Variants in PLD5 observed in about 807,000 individuals in gnomAD.
PLD5 encodes phospholipase D family member 5.
In PLD5, 36 loss-of-function variants were observed where a neutral mutation model predicts 61.1. The ratio of observed to expected loss-of-function variants is 0.59; its 90% CI spans 0.45 to 0.78. The LOEUF (loss-of-function observed/expected upper bound fraction) is 0.78, where lower values mean the gene tolerates loss of function less well. Ranked by LOEUF, PLD5 falls within the 30% of genes least tolerant of loss-of-function variation. The pLI is 0.00. For synonymous variants in PLD5, 243 were observed against 242.8 expected (o/e 1.00, Z -0.01); for missense variants, 515 against 644.4 (o/e 0.80, Z 2.17).
At chr1:242,317,421 A>AT (rs1180253195) in intron 2 of PLD5, among the ~76,000 whole-genome samples, 5 of 152,158 alleles carry the variant, frequency 3.3e-5, no homozygotes, top group Admixed American at 2.6e-4. Context: ...CATTCACTTC[A>AT]TTTTTTTATA....
rs767557825 is a variant in PLD5, at chr1:242,164,404, A to T, written c.736-39739T>A. ...TTTTTCCAGTGAATTGACAAATATT[A>T]AAAAAAAAAAAATCTCCAGTATTGT... On this transcript the variant is annotated intron_variant, in intron 5 of 9. Coordinates refer to ENST00000536534, the MANE Select transcript of PLD5 (RefSeq NM_001372062.1). Among the ~76,000 whole-genome samples, 16 of 15,424 alleles carry T rather than the reference A, an allele frequency of 1.0e-3. No individual in the cohort carries two copies. The South Asian group carries it at 0.014, about 14-fold the overall frequency. The allele number at this position is 15,424 out of a possible 152,430, so 10.1% of individuals were successfully genotyped here.
intron 2 of PLD5, among the ~76,000 whole-genome samples, chr1:242,289,599 C>A (rs542558261): frequency 3.3e-5 from 5 of 152,242 alleles, no homozygotes; most frequent in Middle Eastern, 3.4e-3. Flanking sequence ...ATGATCCCCC[C>A]CTGCCTTGGC....
chr1:242,471,476 T>C (rs1243588926), intron 1 of PLD5, among the ~76,000 whole-genome samples: 3 of 152,074 alleles, frequency 2.0e-5, no homozygotes, highest in Non-Finnish European at 2.9e-5. Flanking sequence ...CTGAGCGAAA[T>C]GGGTTTAAAA....
At chr1:242,096,108 G>C (rs371979744) in intron 9 of PLD5, among the ~76,000 whole-genome samples, 2 of 151,736 alleles carry the variant, frequency 1.3e-5, no homozygotes, top group African/African-American at 4.8e-5. Context: ...ACAGGTGCCC[G>C]CCACCACACC....
chr1:242,325,639 C>T (rs1461716932), intron 2 of PLD5, among the ~76,000 whole-genome samples: 1 of 152,014 alleles, frequency 6.6e-6, no homozygotes, highest in Non-Finnish European at 1.5e-5. Flanking sequence ...CCCTTTCATG[C>T]TGGCAAGCAT....
intron 5 of PLD5, among the ~76,000 whole-genome samples, chr1:242,170,003 C>G (rs1473180050): frequency 6.6e-6 from 1 of 152,226 alleles, no homozygotes; most frequent in African/African-American, 2.4e-5. Flanking sequence ...GCTGTGGGCA[C>G]AGCTTCAACA....
At chr1:242,429,137 C>T (rs545203401) in intron 1 of PLD5, among the ~76,000 whole-genome samples, 132 of 152,240 alleles carry the variant, frequency 8.7e-4, no homozygotes, top group Non-Finnish European at 1.5e-3. Context: ...CGGAATGCCA[C>T]GAATAATATT....
intron 1 of PLD5, among the ~76,000 whole-genome samples, chr1:242,372,140 G>T (rs1436223081): frequency 6.6e-6 from 1 of 152,118 alleles, no homozygotes; most frequent in East Asian, 1.9e-4. Flanking sequence ...GTAGCCTGCA[G>T]CTCCTGTATA....
At chr1:242,423,697 G>A (rs757719999) in intron 1 of PLD5, among the ~76,000 whole-genome samples, 9 of 152,044 alleles carry the variant, frequency 5.9e-5, no homozygotes, top group Non-Finnish European at 1.0e-4. Flanking sequence ...GCTATCAATA[G>A]CACCCTGTAT....
At chr1:242,449,475 G>T in intron 1 of PLD5, 1 of 1,531,200 alleles carries the variant, frequency 6.5e-7, no homozygotes, top group Admixed American at 2.0e-5. Flanking sequence ...TGGCACAAAC[G>T]TATCACCACC....
In PLD5 at chr1:242,158,208, G is replaced by A. The variant is rs187448142; in HGVS notation, c.736-33543C>T. 2.7e-3 allele frequency among the ~76,000 whole-genome samples: 416 copies of A among 152,312 alleles called. 11 individuals carry two copies. Among genetic ancestry groups the A allele is most frequent in the Admixed American group, 0.024 (365 of 15,306 alleles). Reference sequence around the variant, plus strand: ...ATCTGAGCCTCCTGGTATGCTGGCAGTGAGAATTTCAAGGCATTAGATCTT... The same window carrying A: ...ATCTGAGCCTCCTGGTATGCTGGCAATGAGAATTTCAAGGCATTAGATCTT... On this transcript the variant is annotated intron_variant, in intron 5 of 9. Transcript: ENST00000536534.
intron 8 of PLD5, among the ~76,000 whole-genome samples, chr1:242,104,244 G>A (rs1660883020): frequency 1.3e-5 from 2 of 151,168 alleles, no homozygotes; most frequent in African/African-American, 2.4e-5. Context: ...TACCTCCTGA[G>A]TCCTGAGTCC....
chr1:242,448,869 T>C (rs560118129), intron 1 of PLD5, among the ~76,000 whole-genome samples: 36 of 152,330 alleles, frequency 2.4e-4, no homozygotes, highest in Middle Eastern at 6.8e-3. Flanking sequence ...AAGTTTGCTC[T>C]AGTAATGCTT....
rs1436788840 is a variant in PLD5, at chr1:242,253,308, T to A, written c.607+12029A>T. Among the ~76,000 whole-genome samples the A allele has an allele frequency of 2.6e-5, 3 of 116,232 alleles. No homozygotes were observed. In the South Asian group the frequency reaches 8.4e-4, roughly 32 times the overall value. The allele number at this position is 116,232 out of a possible 152,430, so 76.3% of individuals were successfully genotyped here. A position where few individuals can be genotyped will look rare whatever the true frequency, so the allele number is the denominator to read the frequency against. ...CACCACACCCAGCCTCTCTTCACTT[T>A]TTTTTTTTTTTTTTTTTTTTTTAAG... On this transcript the variant is annotated intron_variant, in intron 4 of 9. Coordinates refer to ENST00000536534, the MANE Select transcript of PLD5 (RefSeq NM_001372062.1).
At chr1:242,475,861 C>T (rs953899899) in intron 1 of PLD5, among the ~76,000 whole-genome samples, 1 of 152,050 alleles carries the variant, frequency 6.6e-6, no homozygotes, top group African/African-American at 2.4e-5. Context: ...AGAAGAGGCA[C>T]GGGGAGGGTG....
chr1:242,185,729 C>T (rs1054283881), intron 5 of PLD5, among the ~76,000 whole-genome samples: 1 of 152,142 alleles, frequency 6.6e-6, no homozygotes, highest in Non-Finnish European at 1.5e-5. Context: ...ACACTGGCTA[C>T]ATCATTGAAA....
At chr1:242,359,551 G>A (rs1660955655) in intron 1 of PLD5, among the ~76,000 whole-genome samples, 1 of 152,098 alleles carries the variant, frequency 6.6e-6, no homozygotes, top group Non-Finnish European at 1.5e-5. Flanking sequence ...TGAAGACTGG[G>A]GCCAATTCGC....
chr1:242,213,416 C>T (rs1037454306), intron 5 of PLD5, among the ~76,000 whole-genome samples: 1 of 152,084 alleles, frequency 6.6e-6, no homozygotes, highest in Admixed American at 6.5e-5. Context: ...AATCGACATA[C>T]CTCTGTCATA....
rs76628927 is a variant in PLD5 at position 242,441,980 on chromosome 1, T to C, written c.189+82108A>G. 9.7e-3 allele frequency among the ~76,000 whole-genome samples: 1,471 copies of C among 152,362 alleles called. 18 individuals are homozygous for C. The highest frequency in any genetic ancestry group is 0.028 in the African/African-American group (1,177 of 41,588). On this transcript the variant is annotated intron_variant, in intron 1 of 9. Coordinates refer to ENST00000536534, the MANE Select transcript of PLD5 (RefSeq NM_001372062.1). Reference sequence around the variant, plus strand: ...CTCTGCTATTTGCAGCTGTTTCCAGTACATTGAGTAGCTCAGCTGTAAGCT... The same window carrying C: ...CTCTGCTATTTGCAGCTGTTTCCAGCACATTGAGTAGCTCAGCTGTAAGCT...
Sources: gnomAD v4.1 joint callset for allele counts (sites outside exome capture counted in the v4.1 genomes callset) on GRCh38, gnomAD v4.1.1 for gene constraint, MANE v1.5 for transcripts, NCBI Gene and HGNC (gene_info 2026-07-23, HGNC 2026-07-21) for gene names.